The following PRDM5 variants were observed in gnomAD, a reference collection of about 807,000 sequenced individuals.
The protein encoded by PRDM5 is PR domain zinc finger protein 5.
In PRDM5, 56 loss-of-function variants were observed where a neutral mutation model predicts 81.2. That is an observed-to-expected ratio of 0.69 (90% CI 0.56 to 0.86). PRDM5 has a LOEUF of 0.86. Among genes scored for constraint, PRDM5 ranks in the 40% least tolerant of loss-of-function variants. The pLI, the probability that PRDM5 is intolerant of heterozygous loss-of-function variation, is 0.00. For synonymous variants in PRDM5, 267 were observed against 256.4 expected (o/e 1.04, Z -0.39); for missense variants, 697 against 770.1 (o/e 0.91, Z 1.12).
At chr4:120,912,596 A>C (rs964527220) in intron 1 of PRDM5, among the ~76,000 whole-genome samples, 6 of 152,190 alleles carry the variant, frequency 3.9e-5, no homozygotes, top group Non-Finnish European at 5.9e-5. Context: ...TAGCTATAAA[A>C]ACATTTTTAG....
intron 2 of PRDM5, among the ~76,000 whole-genome samples, chr4:120,872,775 T>C (rs1761965897): frequency 6.6e-6 from 1 of 151,802 alleles, no homozygotes; most frequent in Admixed American, 6.6e-5. Flanking sequence ...ATAACTAAAG[T>C]AGTCAAATTC....
Position 120,695,234 on chromosome 4 carries a change from T to C in PRDM5, c.1770A>G (p.Arg590=). 6.2e-7 allele frequency: 1 copy of C among 1,613,570 alleles called. No individual in the cohort carries two copies. Among genetic ancestry groups the C allele is most frequent in the South Asian group, 1.1e-5 (1 of 91,076 alleles). The change falls in exon 16 of 16, where the codon CGA becomes CGG. Residue 590 remains arginine, a synonymous_variant. Coordinates refer to ENST00000264808, the MANE Select transcript of PRDM5 (RefSeq NM_018699.4). ...GATTGGGATTATGAGTCATCTTGTG[T>C]CGAATCAGCATTTTCTTCAGGCTAA... ...LAFSLKKMLI[R]HKMTHNPNRP... is the part of the protein sequence containing the mutation.
chr4:120,768,655 C>A (rs769822359), intron 13 of PRDM5, among the ~76,000 whole-genome samples: 2 of 152,068 alleles, frequency 1.3e-5, no homozygotes, highest in African/African-American at 2.4e-5. Context: ...TGTAATTATT[C>A]CAGCTCCAAT....
chr4:120,859,017 C>A (rs1411782570), intron 2 of PRDM5, among the ~76,000 whole-genome samples: 12 of 152,100 alleles, frequency 7.9e-5, no homozygotes, highest in African/African-American at 2.7e-4. Flanking sequence ...ACAGTTTCTG[C>A]CCTGCAAATT....
intron 14 of PRDM5, among the ~76,000 whole-genome samples, chr4:120,720,406 A>G (rs1738426147): frequency 6.6e-6 from 1 of 152,226 alleles, no homozygotes; most frequent in African/African-American, 2.4e-5. Flanking sequence ...CTTTGAGACC[A>G]AAAGATGACT....
chr4:120,833,730 A>G (rs771032905), intron 3 of PRDM5, among the ~76,000 whole-genome samples: 1 of 152,126 alleles, frequency 6.6e-6, no homozygotes, highest in Non-Finnish European at 1.5e-5. Context: ...GTTTCCAGTA[A>G]TTATAATCAG....
intron 3 of PRDM5, among the ~76,000 whole-genome samples, chr4:120,823,286 G>A (rs1420962828): frequency 6.6e-6 from 1 of 152,078 alleles, no homozygotes; most frequent in Non-Finnish European, 1.5e-5. Context: ...CACAGGATAT[G>A]GCATGTCTGT....
chr4:120,817,018 T>C, intron 5 of PRDM5, 94 bp from the exon 6 acceptor site: 2 of 1,044,356 alleles, frequency 1.9e-6, no homozygotes, highest in Non-Finnish European at 3.0e-6. Context: ...TAAAGTCATG[T>C]TCGTGATCCC....
rs772765919 is a variant in PRDM5 at position 120,915,656 on chromosome 4, C to T, written c.93+6860G>A. The stretch of plus-strand genomic sequence containing the variant: ...TGACCCCAGTAAAGATCCACCACTG[C>T]GGGGAGAAGGGAAAGAAACAGTACA... On this transcript the variant is annotated intron_variant, in intron 1 of 15. Coordinates refer to ENST00000264808, the MANE Select transcript of PRDM5 (RefSeq NM_018699.4). Among the ~76,000 whole-genome samples, 19 of 152,218 alleles carry T rather than the reference C, an allele frequency of 1.2e-4. No homozygotes were observed. The South Asian group carries it at 1.5e-3, about 12-fold the overall frequency.
At chr4:120,845,198 T>C (rs901979532) in intron 3 of PRDM5, among the ~76,000 whole-genome samples, 2 of 152,200 alleles carry the variant, frequency 1.3e-5, no homozygotes, top group Non-Finnish European at 2.9e-5. Context: ...AAGATCTATC[T>C]AAGATATTAA....
At chr4:120,690,468 T>A (rs13122891), downstream of PRDM5, among the ~76,000 whole-genome samples, 24,067 of 151,960 alleles carry the variant, frequency 0.16, 2,441 homozygotes, top group Non-Finnish European at 0.24. Context: ...TCAGACAGGA[T>A]AAAAAATAAG....
intron 2 of PRDM5, among the ~76,000 whole-genome samples, chr4:120,907,087 C>A (rs1765884802): frequency 1.3e-5 from 2 of 150,580 alleles, no homozygotes; most frequent in Admixed American, 6.6e-5. Flanking sequence ...GTAATCATAG[C>A]ACTCTGGGAG....
chr4:120,762,214 T>A (rs1024452991), intron 13 of PRDM5, among the ~76,000 whole-genome samples: 3 of 152,148 alleles, frequency 2.0e-5, no homozygotes, highest in Non-Finnish European at 4.4e-5. Flanking sequence ...TGGAATAAAG[T>A]CAAACTCATT....
chr4:120,881,240 T>C (rs529471625), intron 2 of PRDM5, among the ~76,000 whole-genome samples: 1 of 152,216 alleles, frequency 6.6e-6, no homozygotes, highest in Non-Finnish European at 1.5e-5. Context: ...CAAGTATTTA[T>C]TTCTCAAGAA....
chr4:120,858,085 C>A (rs1242908920), intron 2 of PRDM5, among the ~76,000 whole-genome samples: 1 of 152,066 alleles, frequency 6.6e-6, no homozygotes, highest in Admixed American at 6.5e-5. Flanking sequence ...GCAATAATAT[C>A]CTTAATGAAA....
intron 15 of PRDM5, among the ~76,000 whole-genome samples, chr4:120,701,400 A>G (rs898687453): frequency 6.6e-6 from 1 of 152,206 alleles, no homozygotes; most frequent in African/African-American, 2.4e-5. Context: ...TTGAAGAACT[A>G]TTCACAATAG....
chr4:120,767,249 C>T (rs2149197727), intron 13 of PRDM5, among the ~76,000 whole-genome samples: 1 of 152,074 alleles, frequency 6.6e-6, no homozygotes, highest in East Asian at 1.9e-4. Context: ...TAGTCATGAG[C>T]CAATTAACAA....
At chr4:120,696,096 AAAG>A (rs1192287156) in intron 15 of PRDM5, among the ~76,000 whole-genome samples, 3 of 151,970 alleles carry the variant, frequency 2.0e-5, no homozygotes, top group Non-Finnish European at 2.9e-5. Context: ...TTTACGGAGG[AAAG>A]AAGATTTACA....
chr4:120,790,010 A>G (rs1750339189), intron 10 of PRDM5, among the ~76,000 whole-genome samples: 1 of 152,154 alleles, frequency 6.6e-6, no homozygotes. Flanking sequence ...GGAAGTTGCT[A>G]AGAGAAGAAA....
Sources: gnomAD v4.1 joint callset for allele counts (sites outside exome capture counted in the v4.1 genomes callset) on GRCh38, gnomAD v4.1.1 for gene constraint, MANE v1.5 for transcripts, NCBI Gene and HGNC (gene_info 2026-07-23, HGNC 2026-07-21) for gene names.